The following EIF4G3 variants were observed in gnomAD, a reference collection of about 807,000 sequenced individuals.
The protein encoded by EIF4G3 is eIF-4-gamma 3.
Under a neutral mutation model 186.4 loss-of-function variants are expected in EIF4G3, and 34 were observed. That is an observed-to-expected ratio of 0.18 (90% CI 0.14 to 0.24). EIF4G3 has a LOEUF of 0.24. Among genes scored for constraint, EIF4G3 ranks in the 10% least tolerant of loss-of-function variants. EIF4G3 has a pLI of 1.00. For missense variants in EIF4G3, 1,536 were observed against 1,948.5 expected, an observed-to-expected ratio of 0.79 and a Z score of 3.99; for synonymous variants, 673 against 679.5, an observed-to-expected ratio of 0.99 and a Z score of 0.15.
chr1:21,043,899 A>AAG (rs149014279), intron 4 of EIF4G3, among the ~76,000 whole-genome samples: 29 of 150,888 alleles, frequency 1.9e-4, no homozygotes, highest in African/African-American at 3.9e-4. Context: ...GATGGAAAGA[A>AAG]AGAGAGAGAG....
chr1:20,947,325 T>A (rs983851717), intron 13 of EIF4G3, among the ~76,000 whole-genome samples: 1 of 149,558 alleles, frequency 6.7e-6, no homozygotes, highest in East Asian at 2.0e-4. Context: ...TCCTGGGTGA[T>A]AGAACGAAAC....
At chr1:21,030,218 G>C (rs904424238) in intron 4 of EIF4G3, among the ~76,000 whole-genome samples, 8 of 152,178 alleles carry the variant, frequency 5.3e-5, no homozygotes, top group Non-Finnish European at 1.0e-4. Context: ...GCAGTTCTCA[G>C]CTGATATGGT....
chr1:20,838,835 C>T (rs1241741321), intron 30 of EIF4G3, among the ~76,000 whole-genome samples: 2 of 152,118 alleles, frequency 1.3e-5, no homozygotes, highest in Admixed American at 1.3e-4. Context: ...CACCACCATG[C>T]CTAGCTAATT....
At chr1:21,140,451 C>A (rs1203507516) in intron 2 of EIF4G3, among the ~76,000 whole-genome samples, 1 of 152,090 alleles carries the variant, frequency 6.6e-6, no homozygotes, top group Non-Finnish European at 1.5e-5. Context: ...ATAGCTGGGA[C>A]TACAGGAATG....
intron 14 of EIF4G3, among the ~76,000 whole-genome samples, chr1:20,920,776 C>A (rs1412431857): frequency 6.6e-6 from 1 of 151,646 alleles, no homozygotes; most frequent in Non-Finnish European, 1.5e-5. Context: ...AGTTCTGGGC[C>A]TTTAGGATTT....
intron 2 of EIF4G3, among the ~76,000 whole-genome samples, chr1:21,096,660 A>G (rs2096378931): frequency 6.6e-6 from 1 of 152,210 alleles, no homozygotes; most frequent in Admixed American, 6.6e-5. Context: ...TCCTCTGGAC[A>G]TAGATGGGGA....
chr1:20,827,816 A>G (rs1440857519), intron 31 of EIF4G3, 118 bp from the exon 32 acceptor site: 2 of 557,318 alleles, frequency 3.6e-6, no homozygotes, highest in Admixed American at 2.7e-5. Context: ...ATACTGGGCA[A>G]GCCAAAGCTC....
At chr1:21,151,782 G>C (rs912717918) in intron 2 of EIF4G3, among the ~76,000 whole-genome samples, 4 of 151,444 alleles carry the variant, frequency 2.6e-5, no homozygotes, top group Admixed American at 6.6e-5. Flanking sequence ...AAATCTCTTA[G>C]AATACTAACA....
At chr1:21,004,528 C>A (rs1352279779) in intron 4 of EIF4G3, among the ~76,000 whole-genome samples, 1 of 152,136 alleles carries the variant, frequency 6.6e-6, no homozygotes, top group African/African-American at 2.4e-5. Context: ...AGGAACAACA[C>A]ACCTACCTCT....
Position 20,860,447 on chromosome 1 carries a change from A to G in EIF4G3, c.3182T>C (p.Ile1061Thr). The G allele has an allele frequency of 6.2e-7, 1 of 1,613,884 alleles. No homozygotes were observed. The highest frequency in any genetic ancestry group is 8.5e-7 in the Non-Finnish European group (1 of 1,179,972). The change falls in exon 24 of 37, where the codon ATA (isoleucine) becomes ACA (threonine). Residue 1061 changes from isoleucine (I) to threonine (T), a missense_variant. Ile to Thr is a moderately conservative substitution (Grantham distance 89, BLOSUM62 -1). Coordinates refer to ENST00000602326, the MANE Select transcript of EIF4G3 (RefSeq NM_001391906.1). The stretch of plus-strand genomic sequence containing the variant: ...CTTCCTTTGCTCTTCTTGTTCTTCT[A>G]TTTTAGCCTCTTTGTGAATCTGTTC... ...TIEQIHKEAKIEEQEEQRKVQ... is the reference protein window; with the variant it reads ...TIEQIHKEAKTEEQEEQRKVQ...
At chr1:21,110,519 T>C (rs1421675721) in intron 2 of EIF4G3, among the ~76,000 whole-genome samples, 3 of 152,130 alleles carry the variant, frequency 2.0e-5, no homozygotes, top group African/African-American at 7.2e-5. Flanking sequence ...GATCTTGAAC[T>C]CCTGAGCTCA....
chr1:21,090,056 C>G (rs2096132801), intron 2 of EIF4G3, among the ~76,000 whole-genome samples: 1 of 152,114 alleles, frequency 6.6e-6, no homozygotes, highest in Non-Finnish European at 1.5e-5. Flanking sequence ...CCAGAACATG[C>G]TGATTTTTCA....
chr1:21,033,209 A>C (rs1182540105), intron 4 of EIF4G3, among the ~76,000 whole-genome samples: 1 of 152,194 alleles, frequency 6.6e-6, no homozygotes, highest in East Asian at 1.9e-4. Context: ...TTATTTTTTA[A>C]ACAACAATGC....
intron 14 of EIF4G3, among the ~76,000 whole-genome samples, chr1:20,938,037 C>T (rs2154561893): frequency 6.6e-6 from 1 of 151,906 alleles, no homozygotes; most frequent in East Asian, 1.9e-4. Flanking sequence ...TGCTCAGTTG[C>T]CTAGGCTGGA....
intron 12 of EIF4G3, among the ~76,000 whole-genome samples, chr1:20,954,624 G>A (rs16824883): frequency 5.3e-5 from 8 of 149,640 alleles, no homozygotes; most frequent in African/African-American, 2.0e-4. Context: ...TCTTTCTTAC[G>A]TAGGAATTTC....
chr1:21,015,084 A>AG (rs146130127), intron 4 of EIF4G3, among the ~76,000 whole-genome samples: 4,806 of 150,520 alleles, frequency 0.032, 259 homozygotes, highest in African/African-American at 0.11. Context: ...AAAAAAAAGG[A>AG]GGGGGGGAAG....
intron 35 of EIF4G3, among the ~76,000 whole-genome samples, chr1:20,811,607 A>G (rs2059258772): frequency 6.6e-6 from 1 of 152,244 alleles, no homozygotes; most frequent in Non-Finnish European, 1.5e-5. Flanking sequence ...GTACCCAATT[A>G]TCTTTAATTG....
chr1:20,891,616 CAA>C (rs11343165), intron 18 of EIF4G3, among the ~76,000 whole-genome samples: 1,444 of 81,596 alleles, frequency 0.018, 19 homozygotes, highest in African/African-American at 0.067. Flanking sequence ...ACTAAAAATA[CAA>C]AAAAAAAAAA....
chr1:21,140,553 G>T (rs1328658088), intron 2 of EIF4G3, among the ~76,000 whole-genome samples: 3 of 152,174 alleles, frequency 2.0e-5, no homozygotes, highest in Admixed American at 6.5e-5. Context: ...CATTTGATCC[G>T]CCTGCCTTGG....
Sources: allele counts gnomAD v4.1 joint callset (sites outside exome capture counted in the v4.1 genomes callset), GRCh38; gene constraint gnomAD v4.1.1; transcripts MANE v1.5; gene names NCBI Gene and HGNC (gene_info 2026-07-23, HGNC 2026-07-21).